PHKB: variants seen among roughly 807,000 people sequenced by gnomAD.
The protein encoded by PHKB is phosphorylase b kinase regulatory subunit beta.
PHKB carries 122 observed loss-of-function variants against 152.1 expected under a neutral mutation model. That is an observed-to-expected ratio of 0.80 (90% CI 0.69 to 0.93). The LOEUF is 0.93. PHKB is among the 40% of genes least tolerant of loss of function. The pLI, the probability that PHKB is intolerant of heterozygous loss-of-function variation, is 0.00. For missense variants in PHKB, 1,304 were observed against 1,328.4 expected, an observed-to-expected ratio of 0.98 and a Z score of 0.29; for synonymous variants, 436 against 464.9, an observed-to-expected ratio of 0.94 and a Z score of 0.80.
Position 47,660,808 on chromosome 16 carries a change from C to CA in PHKB, c.2190dup (p.Leu731ThrfsTer3). ...GGACAAACCCACCCACGAAATTCTT[C>CA]AAAAACTGAATGTGAGACAGATGCA... is the stretch of plus-strand genomic sequence containing the variant. On this transcript the variant is annotated frameshift_variant, in exon 22 of 31. Transcript: ENST00000323584. LOFTEE classifies it high-confidence loss of function. The CA allele has an allele frequency of 6.2e-7, 1 of 1,613,922 alleles. No homozygotes were observed. Among genetic ancestry groups the CA allele is most frequent in the Middle Eastern group, 1.7e-4 (1 of 6,056 alleles).
At chr16:47,583,228 A>G (rs1430278933) in intron 8 of PHKB, among the ~76,000 whole-genome samples, 1 of 152,208 alleles carries the variant, frequency 6.6e-6, no homozygotes, top group African/African-American at 2.4e-5. Context: ...GATGTGGAGA[A>G]TTGCAGAAAT....
At chr16:47,544,128 A>G (rs1215404105) in intron 6 of PHKB, among the ~76,000 whole-genome samples, 1 of 152,008 alleles carries the variant, frequency 6.6e-6, no homozygotes, top group African/African-American at 2.4e-5. Context: ...GCCTTCTCCT[A>G]GCTTTTGAAT....
chr16:47,548,478 G>A (rs572698189), intron 7 of PHKB, among the ~76,000 whole-genome samples: 54 of 152,122 alleles, frequency 3.5e-4, no homozygotes, highest in Non-Finnish European at 5.1e-4. Context: ...ATGGTGGTGC[G>A]TGCCTGTAAT....
intron 12 of PHKB, among the ~76,000 whole-genome samples, chr16:47,595,200 T>C (rs1288806284): frequency 6.6e-6 from 1 of 152,206 alleles, no homozygotes; most frequent in Non-Finnish European, 1.5e-5. Flanking sequence ...TGCATTGAGA[T>C]GTAGTAGTTT....
At chr16:47,568,060 T>A (rs1971599234) in intron 7 of PHKB, among the ~76,000 whole-genome samples, 1 of 152,220 alleles carries the variant, frequency 6.6e-6, no homozygotes, top group Non-Finnish European at 1.5e-5. Context: ...CTTTGTAGAA[T>A]GAGTGAGGGA....
rs1307411414 is a variant in PHKB, at chr16:47,490,685, G to C, written c.77-6714G>C. ...TTAACACACTTGATGTTATGAAATT[G>C]ATTTCCAGATTACCATAAATTATTT... On this transcript the variant is annotated intron_variant, in intron 1 of 30. Coordinates refer to ENST00000323584, the MANE Select transcript of PHKB (RefSeq NM_000293.3). 3.3e-5 allele frequency among the ~76,000 whole-genome samples: 5 copies of C among 152,298 alleles called. No homozygotes were observed. In the East Asian group the frequency reaches 9.7e-4, roughly 29 times the overall value.
At position 47,611,007 on chromosome 16, in the gene PHKB, T is replaced by G. The variant is rs546778927; in HGVS notation, c.1458+87T>G. 2.0e-3 allele frequency: 1,639 copies of G among 804,012 alleles called. 4 individuals carry two copies. The highest frequency in any genetic ancestry group is 2.6e-3 in the Non-Finnish European group (1,189 of 455,834). 49.8% of individuals were successfully genotyped at this position (804,012 alleles called of 1,614,324 possible). On this transcript the variant is annotated intron_variant, in intron 14 of 30. Transcript: ENST00000323584. Reference sequence around the variant, plus strand: ...AGGAAATTTTTGTTCTGAATAGGTTTTTGTTGTTCCTTCTGACGGAAAGGT... The same window carrying G: ...AGGAAATTTTTGTTCTGAATAGGTTGTTGTTGTTCCTTCTGACGGAAAGGT...
At chr16:47,641,157 A>G (rs1011005593) in intron 15 of PHKB, 67 bp downstream of exon 15, 6 of 1,174,356 alleles carry the variant, frequency 5.1e-6, no homozygotes, top group African/African-American at 1.5e-5. Context: ...TGATTGCTTT[A>G]TGTTTACAAT....
rs963396583 is a variant in PHKB at position 47,570,683 on chromosome 16, AT to A, written c.711-9602del. The stretch of plus-strand genomic sequence containing the variant: ...CTAGAAAATTTCATTCATATCCTGT[AT>A]TTTTTTTTTATTTCTTTATATTGGT... On this transcript the variant is annotated intron_variant, in intron 7 of 30. Transcript: ENST00000323584. Among the ~76,000 whole-genome samples the A allele has an allele frequency of 1.7e-3, 237 of 142,566 alleles. 2 individuals are homozygous for A. The highest frequency in any genetic ancestry group is 5.7e-3 in the African/African-American group (219 of 38,658). 93.5% of individuals were successfully genotyped at this position (142,566 alleles called of 152,430 possible).
Position 47,580,463 on chromosome 16 carries a change from A to G in PHKB, c.774+105A>G, listed in dbSNP as rs1971823837. The G allele has an allele frequency of 8.4e-6, 7 of 836,206 alleles. No individual in the cohort carries two copies. In the East Asian group the frequency reaches 1.5e-4, roughly 18 times the overall value. 51.8% of individuals were successfully genotyped at this position (836,206 alleles called of 1,614,324 possible). ...TTCCTTATAATCAGAGAATGTCCAA[A>G]ATTTATGTAGAAGCTCATGCTTGAA... On this transcript the variant is annotated intron_variant, in intron 8 of 30. Coordinates refer to ENST00000323584, the MANE Select transcript of PHKB (RefSeq NM_000293.3).
chr16:47,650,410 T>C (rs1973214570), intron 18 of PHKB, 134 bp from the exon 19 acceptor site: 1 of 694,322 alleles, frequency 1.4e-6, no homozygotes, highest in Non-Finnish European at 2.6e-6. Context: ...CCCTAAGTAG[T>C]CTAAGTTATT....
At chr16:47,631,612 A>G (rs1161083766) in intron 14 of PHKB, among the ~76,000 whole-genome samples, 1 of 152,090 alleles carries the variant, frequency 6.6e-6, no homozygotes, top group African/African-American at 2.4e-5. Flanking sequence ...ATTTCTCCCA[A>G]TGCTGTCCCC....
At chr16:47,598,000 T>C (rs1972153784) in intron 13 of PHKB, 1 of 152,066 alleles carries the variant, frequency 6.6e-6, no homozygotes, top group East Asian at 1.9e-4. Flanking sequence ...AAATATAATA[T>C]AGTAACAACA....
chr16:47,668,741 C>A (rs968143186), intron 25 of PHKB, among the ~76,000 whole-genome samples: 1 of 152,142 alleles, frequency 6.6e-6, no homozygotes, highest in African/African-American at 2.4e-5. Context: ...AACTGGGTGG[C>A]CTCACACCTG....
chr16:47,592,815 G>A (rs1484942270), intron 10 of PHKB, among the ~76,000 whole-genome samples: 2 of 152,188 alleles, frequency 1.3e-5, no homozygotes, highest in African/African-American at 4.8e-5. Flanking sequence ...GACTGAATGA[G>A]TGAGCTTTTG....
At chr16:47,620,444 T>G (rs1972596673) in intron 14 of PHKB, among the ~76,000 whole-genome samples, 1 of 152,188 alleles carries the variant, frequency 6.6e-6, no homozygotes, top group African/African-American at 2.4e-5. Flanking sequence ...GTAGTTAATA[T>G]AAATAAAAGA....
intron 29 of PHKB, 100 bp from the exon 30 acceptor site, chr16:47,698,348 T>C: frequency 1.1e-6 from 1 of 905,378 alleles, no homozygotes; most frequent in South Asian, 1.3e-5. Flanking sequence ...CCCCTCATCA[T>C]ATAGAATATC....
chr16:47,505,804 G>C (rs767929553), intron 4 of PHKB, among the ~76,000 whole-genome samples: 4 of 151,430 alleles, frequency 2.6e-5, no homozygotes, highest in Non-Finnish European at 5.9e-5. Context: ...AGGCAGAGAC[G>C]GGTGGATCGC....
intron 6 of PHKB, 73 bp from the exon 7 acceptor site, chr16:47,547,360 G>A (rs1971190268): frequency 8.9e-6 from 8 of 894,904 alleles, no homozygotes; most frequent in South Asian, 8.0e-5. Context: ...TGGGATTACA[G>A]GCATGAGCCA....
Sources: allele counts gnomAD v4.1 joint callset (sites outside exome capture counted in the v4.1 genomes callset), GRCh38; gene constraint gnomAD v4.1.1; transcripts MANE v1.5; gene names NCBI Gene and HGNC (gene_info 2026-07-23, HGNC 2026-07-21).